LPIN2: variants seen among roughly 807,000 people sequenced by gnomAD.
LPIN2 encodes phosphatidate phosphatase LPIN2.
In LPIN2, 55 loss-of-function variants were observed where a neutral mutation model predicts 111.4. That is an observed-to-expected ratio of 0.49 (90% CI 0.40 to 0.62). The LOEUF (loss-of-function observed/expected upper bound fraction) is 0.62. Ranked by LOEUF, LPIN2 falls within the 20% of genes least tolerant of loss-of-function variation. The pLI is 0.00. For synonymous variants in LPIN2, 425 were observed against 414.0 expected (o/e 1.03, Z -0.32); for missense variants, 992 against 1,112.1 (o/e 0.89, Z 1.54).
At chr18:2,976,914 C>T (rs1311095785) in intron 1 of LPIN2, among the ~76,000 whole-genome samples, 2 of 152,128 alleles carry the variant, frequency 1.3e-5, no homozygotes, top group Non-Finnish European at 2.9e-5. Context: ...TAATTAATCA[C>T]AAACAGCTGG....
rs143053596 is a variant in LPIN2, at chr18:2,924,434, T to C, written c.2051A>G (p.Lys684Arg). 2.5e-6 allele frequency: 4 copies of C among 1,614,184 alleles called. No homozygotes were observed. In the Admixed American group the frequency reaches 6.7e-5, roughly 27 times the overall value. ...CCCATCAATATCAGAAATGATGATC[T>C]TGTCATTCCAGTTCCACAGGTAAAT... ...GTIYLWNWND[K>R]IIISDIDGTI... The change falls in exon 15 of 20, where the codon AAG becomes AGG. Residue 684 changes from lysine to arginine, a missense_variant. By Grantham distance (26) the Lys-to-Arg change is conservative. Around this residue, in one of 4 missense-constraint regions of LPIN2, gnomAD observed 709 missense variants for 753.2 expected, o/e 0.94. Transcript: ENST00000677752.
At position 2,944,809 on chromosome 18, in the gene LPIN2, G is replaced by A. The variant is rs1179794249; in HGVS notation, c.591-4097C>T. Among the ~76,000 whole-genome samples the A allele has an allele frequency of 2.6e-5, 4 of 152,030 alleles. No homozygotes were observed. The South Asian group carries it at 8.3e-4, about 31-fold the overall frequency. ...CCATACAAACACATTTAAATATTCA[G>A]GAAAGAGGTTTTTAAGATTATTGCT... On this transcript the variant is annotated intron_variant, in intron 4 of 19. Transcript: ENST00000677752.
chr18:2,953,590 TAAAC>T (rs1467528504), intron 3 of LPIN2, among the ~76,000 whole-genome samples: 28 of 152,350 alleles, frequency 1.8e-4, no homozygotes, highest in East Asian at 1.3e-3. Flanking sequence ...CAAAAAATGA[TAAAC>T]AATCTCATTT....
intron 8 of LPIN2, among the ~76,000 whole-genome samples, chr18:2,932,705 A>G (rs920489673): frequency 2.6e-5 from 4 of 152,198 alleles, no homozygotes; most frequent in African/African-American, 4.8e-5. Flanking sequence ...AGCCGTGAAT[A>G]TGGACGGAAG....
chr18:2,985,216 T>G (rs2078171014), intron 1 of LPIN2: 1 of 152,170 alleles, frequency 6.6e-6, no homozygotes, highest in African/African-American at 2.4e-5. Context: ...CACCCTGACC[T>G]TCAAAGCTGG....
intron 2 of LPIN2, among the ~76,000 whole-genome samples, chr18:2,959,062 A>G (rs942983069): frequency 2.0e-5 from 3 of 152,184 alleles, no homozygotes; most frequent in African/African-American, 7.2e-5. Flanking sequence ...TGGTGTTACC[A>G]CAAAGAAAGA....
intron 1 of LPIN2, among the ~76,000 whole-genome samples, chr18:2,969,866 G>A (rs1396203800): frequency 6.6e-6 from 1 of 152,208 alleles, no homozygotes; most frequent in African/African-American, 2.4e-5. Flanking sequence ...GATTAAGTTT[G>A]TTATGAAGAC....
Position 2,939,604 on chromosome 18 carries a change from C to T in LPIN2, c.699-1G>A. The T allele has an allele frequency of 1.9e-6, 3 of 1,613,038 alleles. No individual in the cohort carries two copies. The highest frequency in any genetic ancestry group is 2.5e-6 in the Non-Finnish European group (3 of 1,179,636). On this transcript the variant is annotated splice_acceptor_variant, in intron 5 of 19. Transcript: ENST00000677752. LOFTEE classifies it high-confidence loss of function. ...AGGACACGCTGTCTGGGGATAGGTG[C>T]TGCAAAGAGAACAAAGACACACGAT...
intron 1 of LPIN2, among the ~76,000 whole-genome samples, chr18:2,994,286 A>G (rs1006070697): frequency 3.3e-5 from 5 of 152,174 alleles, no homozygotes; most frequent in African/African-American, 1.2e-4. Flanking sequence ...AGTTTTTTGA[A>G]GACAATTTAG....
chr18:2,965,261 G>A (rs1224663948), intron 1 of LPIN2, among the ~76,000 whole-genome samples: 2 of 152,112 alleles, frequency 1.3e-5, no homozygotes, highest in African/African-American at 4.8e-5. Flanking sequence ...ATTTGACAGT[G>A]CCCACTATCA....
At chr18:2,964,770 G>A (rs978208932) in intron 1 of LPIN2, among the ~76,000 whole-genome samples, 1 of 152,076 alleles carries the variant, frequency 6.6e-6, no homozygotes, top group African/African-American at 2.4e-5. Context: ...TTACCAAGAA[G>A]TCCATAAAAA....
chr18:2,954,949 T>G (rs989386345), intron 2 of LPIN2, among the ~76,000 whole-genome samples: 19 of 152,192 alleles, frequency 1.2e-4, no homozygotes, highest in African/African-American at 4.6e-4. Flanking sequence ...CTCACACGGT[T>G]CAGATACACA....
chr18:2,980,202 T>C (rs944234988), intron 1 of LPIN2, among the ~76,000 whole-genome samples: 2 of 152,246 alleles, frequency 1.3e-5, no homozygotes, highest in Non-Finnish European at 2.9e-5. Context: ...AATTCTTGCA[T>C]TAGCCCTTCT....
rs2077023313 is a variant in LPIN2, at chr18:2,919,645, AGAG to A, written c.*645_*647del. 6.4e-6 allele frequency: 1 copy of A among 156,720 alleles called. No individual in the cohort carries two copies. The highest frequency in any genetic ancestry group is 1.9e-4 in the South Asian group (1 of 5,276). 9.7% of individuals were successfully genotyped at this position (156,720 alleles called of 1,614,324 possible). ...AGGGCTCGTGGAGTTGTCACAGATG[AGAG>A]GAGGATGCTCTGTGGGGATCTTTCC... is the stretch of plus-strand genomic sequence containing the variant. On this transcript the variant is annotated 3_prime_UTR_variant, in exon 20 of 20. Coordinates refer to ENST00000677752, the MANE Select transcript of LPIN2 (RefSeq NM_001375808.2).
Position 2,925,480 on chromosome 18 carries a change from TAG to T in LPIN2, c.1794-114_1794-113del, listed in dbSNP as rs749385025. 5 of 1,402,952 alleles carry T rather than the reference TAG, an allele frequency of 3.6e-6. No individual in the cohort carries two copies. The highest frequency in any genetic ancestry group is 4.0e-6 in the Non-Finnish European group (4 of 1,003,538). The allele number at this position is 1,402,952 out of a possible 1,614,324, so 86.9% of individuals were successfully genotyped here. On this transcript the variant is annotated intron_variant, in intron 13 of 19. Transcript: ENST00000677752. The surrounding 1 kb of genome is among the most constrained non-coding windows in gnomAD (Gnocchi z 4.1). The stretch of plus-strand genomic sequence containing the variant: ...ATCCTAAATCTTTTCTAGGAATGGG[TAG>T]AGTTATCCCTTCTGCCATTCTCCCA...
chr18:3,004,778 T>C (rs1400074830), intron 1 of LPIN2, among the ~76,000 whole-genome samples: 3 of 152,300 alleles, frequency 2.0e-5, no homozygotes, highest in Non-Finnish European at 1.5e-5. Context: ...GATCATGTTG[T>C]ATGAGAAATA....
At chr18:2,943,680 A>G (rs2077400705) in intron 4 of LPIN2, among the ~76,000 whole-genome samples, 3 of 152,200 alleles carry the variant, frequency 2.0e-5, no homozygotes, top group African/African-American at 7.2e-5. Flanking sequence ...AATGGTTCCT[A>G]AATCATGGAA....
chr18:2,965,315 T>C (rs1461372537), intron 1 of LPIN2, among the ~76,000 whole-genome samples: 4 of 152,166 alleles, frequency 2.6e-5, no homozygotes, highest in Non-Finnish European at 5.9e-5. Context: ...GGACACACAC[T>C]GGAATGAATG....
Position 2,969,527 on chromosome 18 carries a change from T to G in LPIN2, c.-9-8678A>C, listed in dbSNP as rs183551970. Among the ~76,000 whole-genome samples, 323 of 152,284 alleles carry G rather than the reference T, an allele frequency of 2.1e-3. 1 individual carries two copies. Among genetic ancestry groups the G allele is most frequent in the African/African-American group, 7.6e-3 (315 of 41,544 alleles). ...TCACCTCCACTGTTTGAAGTCGCAGTCAGGGAGGTTTTTATATCTAACTTC... is the reference window on the plus strand; with the variant it reads ...TCACCTCCACTGTTTGAAGTCGCAGGCAGGGAGGTTTTTATATCTAACTTC... On this transcript the variant is annotated intron_variant, in intron 1 of 19. Transcript: ENST00000677752.
Sources: gnomAD v4.1 joint callset for allele counts (sites outside exome capture counted in the v4.1 genomes callset) on GRCh38, gnomAD v4.1.1 for gene constraint, gnomAD v4.1.1 regional missense constraint, Gnocchi (gnomAD v3.1) non-coding constraint, MANE v1.5 for transcripts, NCBI Gene and HGNC (gene_info 2026-07-23, HGNC 2026-07-21) for gene names.